KLF8: variants seen among roughly 807,000 people sequenced by gnomAD.
KLF8 encodes the protein KLF transcription factor 8.
A neutral mutation model predicts 18.2 loss-of-function variants in KLF8; 10 were observed. The ratio of observed to expected loss-of-function variants is 0.55; its 90% CI spans 0.34 to 0.93. The LOEUF is 0.93. Ranked by LOEUF, KLF8 falls within the 40% of genes least tolerant of loss-of-function variation. KLF8 has a pLI of 0.02. For synonymous variants in KLF8, 109 were observed against 97.3 expected, an observed-to-expected ratio of 1.12 and a Z score of -0.71; for missense variants, 264 against 277.9, an observed-to-expected ratio of 0.95 and a Z score of 0.36.
the KLF8 span, among the ~76,000 whole-genome samples, chrX:56,173,217 G>T: frequency 8.9e-6 from 1 of 111,805 alleles, no homozygotes; most frequent in East Asian, 2.8e-4. Flanking sequence ...TTCTTGTAGG[G>T]TTTTTATGGT....
the KLF8 span, among the ~76,000 whole-genome samples, chrX:56,133,897 A>ATCTG: frequency 1.0e-5 from 1 of 96,247 alleles, no homozygotes; most frequent in Non-Finnish European, 2.1e-5. Flanking sequence ...TTAAATCAAG[A>ATCTG]ACTGAACCCC....
the KLF8 span, among the ~76,000 whole-genome samples, chrX:56,224,959 A>G: frequency 2.7e-5 from 3 of 111,106 alleles, no homozygotes; most frequent in African/African-American, 9.8e-5. Context: ...GAAGGGACAG[A>G]TGGGTAAAAA....
the KLF8 span, among the ~76,000 whole-genome samples, chrX:56,077,299 A>G: frequency 1.8e-5 from 2 of 112,102 alleles, no homozygotes; most frequent in South Asian, 7.3e-4. Context: ...TCTTTAATCC[A>G]TCTTGAATTA....
At chrX:55,996,717 G>A in the KLF8 span, among the ~76,000 whole-genome samples, 2 of 111,844 alleles carry the variant, frequency 1.8e-5, no homozygotes, top group South Asian at 7.5e-4. Context: ...GCCCCTACAG[G>A]TTGAACACCT....
At chrX:56,276,378 A>G (rs1024695558) in intron 5 of KLF8, among the ~76,000 whole-genome samples, 2 of 111,323 alleles carry the variant, frequency 1.8e-5, no homozygotes, top group African/African-American at 6.5e-5. Context: ...ATTGCTCATT[A>G]ATGTCCTTTT....
the KLF8 span, among the ~76,000 whole-genome samples, chrX:55,936,888 T>A: frequency 8.9e-6 from 1 of 112,039 alleles, no homozygotes; most frequent in Non-Finnish European, 1.9e-5. Context: ...AAACTCGAAC[T>A]GGGTGGAGCC....
chrX:55,941,436 T>TA, the KLF8 span, among the ~76,000 whole-genome samples: 2 of 111,410 alleles, frequency 1.8e-5, no homozygotes, highest in Non-Finnish European at 3.8e-5. Context: ...AACCTAGGCA[T>TA]TACCATTCAG....
chrX:56,055,402 CT>C, the KLF8 span, among the ~76,000 whole-genome samples: 1 of 111,821 alleles, frequency 8.9e-6, no homozygotes, highest in African/African-American at 3.2e-5. Flanking sequence ...TGAATATTGT[CT>C]TTCCAGTAGG....
the KLF8 span, among the ~76,000 whole-genome samples, chrX:56,168,469 A>G: frequency 8.9e-6 from 1 of 112,467 alleles, no homozygotes; most frequent in Admixed American, 9.4e-5. Flanking sequence ...TAAAATGTTT[A>G]TGACCTTTTA....
the KLF8 span, among the ~76,000 whole-genome samples, chrX:55,923,761 CAT>C: frequency 9.3e-6 from 1 of 107,533 alleles, no homozygotes; most frequent in Non-Finnish European, 1.9e-5. Context: ...TGTATATACA[CAT>C]ATATATTTGT....
chrX:56,088,976 AG>A, the KLF8 span, among the ~76,000 whole-genome samples: 20 of 111,777 alleles, frequency 1.8e-4, no homozygotes, highest in Admixed American at 1.6e-3. Context: ...CAAAGAAAAA[AG>A]TGCCTTTTCA....
At chrX:56,209,115 C>T in the KLF8 span, among the ~76,000 whole-genome samples, 2 of 111,595 alleles carry the variant, frequency 1.8e-5, no homozygotes, top group African/African-American at 6.5e-5. Flanking sequence ...CTAATATTTC[C>T]TTTATATATC....
At chrX:56,105,692 G>A in the KLF8 span, among the ~76,000 whole-genome samples, 1 of 110,516 alleles carries the variant, frequency 9.0e-6, no homozygotes, top group African/African-American at 3.3e-5. Context: ...TTTAATTGGG[G>A]CATTTAGCAC....
the KLF8 span, among the ~76,000 whole-genome samples, chrX:56,209,318 T>A: frequency 6.5e-4 from 73 of 112,166 alleles, no homozygotes; most frequent in African/African-American, 2.2e-3. Flanking sequence ...TATCTTTTGG[T>A]ATTTTTTCAT....
the KLF8 span, among the ~76,000 whole-genome samples, chrX:56,109,564 C>T: frequency 1.8e-5 from 2 of 110,660 alleles, no homozygotes; most frequent in Admixed American, 9.6e-5. Flanking sequence ...TCTAAATGTT[C>T]GATTATTATT....
At chrX:56,181,247 G>T in the KLF8 span, among the ~76,000 whole-genome samples, 2 of 110,612 alleles carry the variant, frequency 1.8e-5, no homozygotes, top group African/African-American at 6.6e-5. Flanking sequence ...GATCTTTGTT[G>T]GTTTAAAGTC....
the KLF8 span, among the ~76,000 whole-genome samples, chrX:56,032,659 T>C: frequency 2.7e-5 from 3 of 112,583 alleles, no homozygotes; most frequent in Non-Finnish European, 3.8e-5. Context: ...TGCATGTCAG[T>C]AATTCTTTAT....
At chrX:56,011,862 T>C in the KLF8 span, among the ~76,000 whole-genome samples, 2 of 110,879 alleles carry the variant, frequency 1.8e-5, no homozygotes, top group African/African-American at 3.3e-5. Flanking sequence ...CTAGAAAAAA[T>C]TGATAAATTC....
the KLF8 span, among the ~76,000 whole-genome samples, chrX:56,185,471 C>T: frequency 4.5e-5 from 5 of 111,827 alleles, no homozygotes; most frequent in African/African-American, 1.6e-4. Context: ...TCCAGGAGAA[C>T]TTCCCCAATC....
Sources: allele counts gnomAD v4.1 joint callset (sites outside exome capture counted in the v4.1 genomes callset), GRCh38; gene constraint gnomAD v4.1.1; transcripts MANE v1.5; gene names NCBI Gene and HGNC (gene_info 2026-07-23, HGNC 2026-07-21).